Variants in IQSEC1 observed in about 807,000 individuals in gnomAD.
IQSEC1 encodes the protein IQ motif and SEC7 domain-containing protein 1.
In IQSEC1, 31 loss-of-function variants were observed where a neutral mutation model predicts 91.0. The ratio of observed to expected loss-of-function variants is 0.34; its 90% CI spans 0.26 to 0.46. The LOEUF is 0.46. Ranked by LOEUF, IQSEC1 falls within the 20% of genes least tolerant of loss-of-function variation. IQSEC1 has a pLI of 1.00. For missense variants in IQSEC1, 1,388 were observed against 1,575.6 expected, an observed-to-expected ratio of 0.88 and a Z score of 2.02; for synonymous variants, 699 against 662.6, an observed-to-expected ratio of 1.05 and a Z score of -0.84.
chr3:12,922,233 C>T lies in IQSEC1; in HGVS notation c.1740G>A (p.Val580=). Residue 580 remains valine (V), a synonymous_variant, in exon 5 of 14, where the codon GTG becomes GTA. Coordinates refer to ENST00000613206, the MANE Select transcript of IQSEC1 (RefSeq NM_001134382.3). This position sits in a 1 kb window ranked among gnomAD's most constrained non-coding sequence, Gnocchi z 5.1. ...CCATGGTAGAGAAGTCCATCTCGTC[C>T]ACGACGCAGCTGGAATAGAGACAGA... ...QFNRDVLDCV[V]DEMDFSTMEL... 1 of 1,591,416 alleles carries T rather than the reference C, an allele frequency of 6.3e-7. No homozygotes were observed. Among genetic ancestry groups the T allele is most frequent in the Non-Finnish European group, 8.6e-7 (1 of 1,164,234 alleles).
At chr3:13,017,858 C>T (rs557364487) in intron 1 of IQSEC1, among the ~76,000 whole-genome samples, 8 of 152,258 alleles carry the variant, frequency 5.3e-5, no homozygotes, top group Admixed American at 2.0e-4. Flanking sequence ...AGAGAAGTGG[C>T]GGCTCTGCTC....
At chr3:13,045,494 G>A (rs565893293) in intron 1 of IQSEC1, among the ~76,000 whole-genome samples, 59 of 152,274 alleles carry the variant, frequency 3.9e-4, no homozygotes, top group African/African-American at 1.3e-3. Flanking sequence ...TCCCTGCTCT[G>A]TCCTCCAGGG....
chr3:13,201,583 A>G (rs1274785006), intron 1 of IQSEC1, among the ~76,000 whole-genome samples: 1 of 152,198 alleles, frequency 6.6e-6, no homozygotes, highest in African/African-American at 2.4e-5. Context: ...GCCTCAAGCA[A>G]TCCTCCTGCC....
chr3:13,043,900 C>A (rs949557408), intron 1 of IQSEC1, among the ~76,000 whole-genome samples: 2 of 152,216 alleles, frequency 1.3e-5, no homozygotes, highest in African/African-American at 4.8e-5. Context: ...CTCCCCACTC[C>A]CCCTCAGATG....
At chr3:13,041,362 C>T (rs1306764889) in intron 1 of IQSEC1, among the ~76,000 whole-genome samples, 1 of 152,192 alleles carries the variant, frequency 6.6e-6, no homozygotes, top group Admixed American at 6.5e-5. Flanking sequence ...TTCCTTTCTA[C>T]AGCTGCCGTG....
intron 2 of IQSEC1, among the ~76,000 whole-genome samples, chr3:13,147,177 A>G (rs1250679132): frequency 6.6e-6 from 1 of 152,176 alleles, no homozygotes; most frequent in Non-Finnish European, 1.5e-5. Flanking sequence ...TTATTAATAT[A>G]CTTTTATAGC....
chr3:12,993,436 T>C (rs1469572716), intron 1 of IQSEC1, among the ~76,000 whole-genome samples: 2 of 145,618 alleles, frequency 1.4e-5, no homozygotes, highest in East Asian at 4.3e-4. Context: ...TGGCGGGATT[T>C]CTCCGCCCGG....
rs1027932332 is a variant in IQSEC1, at chr3:12,922,329, C to T, written c.1731-87G>A. The T allele has an allele frequency of 7.0e-7, 1 of 1,429,452 alleles. No homozygotes were observed. Among genetic ancestry groups the T allele is most frequent in the African/African-American group, 1.5e-5 (1 of 68,736 alleles). 88.5% of individuals were successfully genotyped at this position (1,429,452 alleles called of 1,614,324 possible). A position where few individuals can be genotyped will look rare whatever the true frequency, so the allele number is the denominator to read the frequency against. ...CCCCCAGGTGGTGGTGCCTGAAGCC[C>T]TGGGAATGGACCGCCTCCTGGCAGG... On this transcript the variant is annotated intron_variant, in intron 4 of 13. Coordinates refer to ENST00000613206, the MANE Select transcript of IQSEC1 (RefSeq NM_001134382.3). This position sits in a 1 kb window ranked among gnomAD's most constrained non-coding sequence, Gnocchi z 5.1.
At chr3:13,144,700 G>A (rs1706859468) in intron 2 of IQSEC1, among the ~76,000 whole-genome samples, 1 of 152,202 alleles carries the variant, frequency 6.6e-6, no homozygotes, top group Non-Finnish European at 1.5e-5. Context: ...CCATCACGTG[G>A]CTCCCACGGC....
intron 2 of IQSEC1, among the ~76,000 whole-genome samples, chr3:13,081,775 G>A (rs1430365638): frequency 2.0e-5 from 3 of 152,200 alleles, no homozygotes; most frequent in African/African-American, 4.8e-5. Flanking sequence ...CTCCGACACC[G>A]CCTGGCCCAG....
In IQSEC1 at chr3:13,260,884, T is replaced by C. The variant is rs1001715492; in HGVS notation, c.272+21827A>G. ...GGTCCTCTGTGCTGAGCAGGACACA[T>C]GGTGCATATGAGGAGTCCCCAGTGC... On this transcript the variant is annotated intron_variant, in intron 1 of 15. Transcript: ENST00000648114. Among the ~76,000 whole-genome samples, 7 of 152,264 alleles carry C rather than the reference T, an allele frequency of 4.6e-5. 1 individual carries two copies. The Middle Eastern group carries it at 0.01, about 222-fold the overall frequency.
At chr3:13,056,973 G>T (rs879337287) in intron 1 of IQSEC1, among the ~76,000 whole-genome samples, 2 of 152,082 alleles carry the variant, frequency 1.3e-5, no homozygotes, top group East Asian at 3.9e-4. Flanking sequence ...TGTTCCCCTT[G>T]TCTCTTATTC....
intron 1 of IQSEC1, among the ~76,000 whole-genome samples, chr3:12,975,375 C>G (rs1200076198): frequency 6.6e-6 from 1 of 152,226 alleles, no homozygotes; most frequent in African/African-American, 2.4e-5. Context: ...CCTTTCCCAA[C>G]TCTCTGCCTC....
intron 3 of IQSEC1, among the ~76,000 whole-genome samples, chr3:12,928,190 G>C (rs1311664035): frequency 6.6e-6 from 1 of 152,054 alleles, no homozygotes; most frequent in Non-Finnish European, 1.5e-5. Context: ...CACAGTCTGA[G>C]GGCAGAGGTG....
intron 1 of IQSEC1, among the ~76,000 whole-genome samples, chr3:13,054,901 T>G (rs1704820563): frequency 6.6e-6 from 1 of 152,186 alleles, no homozygotes; most frequent in East Asian, 1.9e-4. Flanking sequence ...AAAACGGGGC[T>G]GATCAGAGGT....
At chr3:13,173,448 G>A (rs970123367) in intron 1 of IQSEC1, among the ~76,000 whole-genome samples, 1 of 152,226 alleles carries the variant, frequency 6.6e-6, no homozygotes, top group Non-Finnish European at 1.5e-5. Flanking sequence ...TCAGGCTTTG[G>A]GGACCGGCCC....
At chr3:13,253,751 C>A (rs528090268) in intron 1 of IQSEC1, among the ~76,000 whole-genome samples, 1 of 152,098 alleles carries the variant, frequency 6.6e-6, no homozygotes, top group Non-Finnish European at 1.5e-5. Context: ...CTCCGCTGTG[C>A]GACAAAAGCT....
At chr3:13,033,872 C>T (rs1449834707) in intron 1 of IQSEC1, among the ~76,000 whole-genome samples, 1 of 152,198 alleles carries the variant, frequency 6.6e-6, no homozygotes, top group Non-Finnish European at 1.5e-5. Flanking sequence ...TCCAGAAACA[C>T]CCCACAGACA....
chr3:13,251,497 A>C (rs1381687576), intron 1 of IQSEC1, among the ~76,000 whole-genome samples: 1 of 152,234 alleles, frequency 6.6e-6, no homozygotes, highest in Admixed American at 6.5e-5. Flanking sequence ...CTTCACACTC[A>C]GGAATATTTT....
Sources: allele counts gnomAD v4.1 joint callset (sites outside exome capture counted in the v4.1 genomes callset), GRCh38; gene constraint gnomAD v4.1.1; non-coding constraint Gnocchi (gnomAD v3.1); transcripts MANE v1.5; gene names NCBI Gene and HGNC (gene_info 2026-07-23, HGNC 2026-07-21).